Variants in CPSF3 observed in about 807,000 individuals in gnomAD.
CPSF3 encodes the protein cleavage and polyadenylation specificity factor subunit 3.
Under a neutral mutation model 84.1 loss-of-function variants are expected in CPSF3, and 57 were observed. That is an observed-to-expected ratio of 0.68 (90% CI 0.55 to 0.85). The LOEUF is 0.85. CPSF3 is among the 40% of genes least tolerant of loss of function. CPSF3 has a pLI of 0.00. For missense variants in CPSF3, 522 were observed against 838.8 expected, an observed-to-expected ratio of 0.62 and a Z score of 4.66; for synonymous variants, 275 against 278.1, an observed-to-expected ratio of 0.99 and a Z score of 0.11.
chr2:9,444,221 C>T (rs1187438505), intron 10 of CPSF3, among the ~76,000 whole-genome samples: 2 of 148,916 alleles, frequency 1.3e-5, no homozygotes, highest in East Asian at 3.9e-4. Flanking sequence ...CTCCGCCTCC[C>T]GGGTTCAAGC....
chr2:9,424,112 T>C (rs1451691376), intron 1 of CPSF3: 2 of 1,172,336 alleles, frequency 1.7e-6, no homozygotes, highest in Non-Finnish European at 1.1e-6. Flanking sequence ...TCGTACACGC[T>C]AAGAAGCGTT....
In CPSF3 at chr2:9,432,608, G is replaced by T. The variant is rs768671041; in HGVS notation, c.439G>T (p.Ala147Ser). 2 of 1,592,214 alleles carry T rather than the reference G, an allele frequency of 1.3e-6. No homozygotes were observed. The change falls in exon 5 of 18, where the codon GCG (alanine) becomes TCG (serine). Residue 147 changes from alanine (A) to serine (S), a missense_variant. Physicochemically the swap from Ala to Ser is moderately conservative, Grantham distance 99 (BLOSUM62 1). Around this residue, in one of 2 missense-constraint regions of CPSF3, gnomAD observed 329 missense variants for 607.2 expected, o/e 0.54. Coordinates refer to ENST00000238112, the MANE Select transcript of CPSF3 (RefSeq NM_016207.4). Reference sequence around the variant, plus strand: ...CAACTTTCATGAAGTTAAGGAAGTTGCGGGAATCAAGTTTTGGTGTTACCA... The same window carrying T: ...CAACTTTCATGAAGTTAAGGAAGTTTCGGGAATCAAGTTTTGGTGTTACCA... ...TINFHEVKEV[A>S]GIKFWCYHAG...
chr2:9,461,107 A>T (rs1681712808), intron 15 of CPSF3, among the ~76,000 whole-genome samples: 1 of 152,242 alleles, frequency 6.6e-6, no homozygotes, highest in Admixed American at 6.5e-5. Flanking sequence ...CATTTGAGTC[A>T]CTGGTAAGCA....
intron 7 of CPSF3, among the ~76,000 whole-genome samples, chr2:9,438,084 A>T (rs6731630): frequency 0.081 from 12,366 of 152,292 alleles, 1,667 homozygotes; most frequent in African/African-American, 0.28. Context: ...ATCTTAGCTC[A>T]TCCTCTCTGT....
At chr2:9,442,422 G>C (rs1224975839) in intron 9 of CPSF3, among the ~76,000 whole-genome samples, 1 of 152,078 alleles carries the variant, frequency 6.6e-6, no homozygotes, top group African/African-American at 2.4e-5. Flanking sequence ...GCAGAACTTG[G>C]GAGGCAGTTT....
chr2:9,456,851 AG>A, intron 13 of CPSF3, 81 bp from the exon 14 acceptor site: 1 of 769,376 alleles, frequency 1.3e-6, no homozygotes, highest in African/African-American at 1.8e-5. Flanking sequence ...GCTTTATTTT[AG>A]CTGTCTCTAT....
In CPSF3 at chr2:9,432,682, C is replaced by T. The variant is rs773798533; in HGVS notation, c.513C>T (p.Gly171=). The part of the protein sequence containing the change: ...GAAMFMIEIA[G]VKLLYTGDFS... ...CCATGTTCATGATTGAGATCGCAGG[C>T]GTGAAGGTACCCTCTGGCTGTGGCG... The change falls in exon 5 of 18, where the codon GGC becomes GGT. Residue 171 remains glycine, a synonymous_variant. Transcript: ENST00000238112. 1.3e-5 allele frequency: 19 copies of T among 1,514,808 alleles called. No individual in the cohort carries two copies. The highest frequency in any genetic ancestry group is 2.7e-5 in the African/African-American group (2 of 73,798). The allele number at this position is 1,514,808 out of a possible 1,614,324, so 93.8% of individuals were successfully genotyped here. A position where few individuals can be genotyped will look rare whatever the true frequency, so the allele number is the denominator to read the frequency against.
chr2:9,432,817 A>C, intron 5 of CPSF3, 129 bp downstream of exon 5: 1 of 640,214 alleles, frequency 1.6e-6, no homozygotes, highest in Non-Finnish European at 2.3e-6. Flanking sequence ...TAAGATAAAA[A>C]TACAGTTAAC....
intron 7 of CPSF3, among the ~76,000 whole-genome samples, chr2:9,437,124 C>G (rs9784085): frequency 6.7e-6 from 1 of 148,444 alleles, no homozygotes; most frequent in Non-Finnish European, 1.5e-5. Context: ...TTACTCTGGG[C>G]TGGACGTGGT....
intron 11 of CPSF3, among the ~76,000 whole-genome samples, chr2:9,449,022 G>C (rs1681224854): frequency 6.6e-6 from 1 of 152,096 alleles, no homozygotes; most frequent in East Asian, 1.9e-4. Context: ...CTGAAGATAG[G>C]CTCATATCTC....
At chr2:9,456,080 T>A (rs1681516372) in intron 13 of CPSF3, among the ~76,000 whole-genome samples, 1 of 152,238 alleles carries the variant, frequency 6.6e-6, no homozygotes, top group Non-Finnish European at 1.5e-5. Context: ...TGAAATCTAT[T>A]TTCCTTGACC....
At chr2:9,435,700 AG>A (rs1430744690) in intron 6 of CPSF3, among the ~76,000 whole-genome samples, 1 of 151,454 alleles carries the variant, frequency 6.6e-6, no homozygotes, top group African/African-American at 2.4e-5. Context: ...TACAGGCATG[AG>A]CCACCATGCC....
chr2:9,461,643 C>G (rs1368464721), intron 15 of CPSF3, among the ~76,000 whole-genome samples: 1 of 151,060 alleles, frequency 6.6e-6, no homozygotes, highest in Non-Finnish European at 1.5e-5. Flanking sequence ...GCATTTCAGC[C>G]TGGGTGACAG....
At chr2:9,456,573 G>A (rs941456098) in intron 13 of CPSF3, among the ~76,000 whole-genome samples, 2 of 152,216 alleles carry the variant, frequency 1.3e-5, no homozygotes, top group Admixed American at 1.3e-4. Context: ...TGACGCTTAC[G>A]AAGACAGAAG....
intron 9 of CPSF3, 118 bp from the exon 10 acceptor site, chr2:9,443,396 AT>A: frequency 1.1e-6 from 1 of 951,980 alleles, no homozygotes; most frequent in Non-Finnish European, 1.6e-6. Context: ...TATTAGAATG[AT>A]TTTGTGCGTA....
chr2:9,439,910 T>C (rs988094269), intron 7 of CPSF3, among the ~76,000 whole-genome samples: 1 of 151,970 alleles, frequency 6.6e-6, no homozygotes, highest in Admixed American at 6.6e-5. Context: ...ACCTGAGAGG[T>C]TGAGGCTGCC....
At chr2:9,435,682 G>T (rs554201421) in intron 6 of CPSF3, among the ~76,000 whole-genome samples, 129 of 152,084 alleles carry the variant, frequency 8.5e-4, no homozygotes, top group South Asian at 2.9e-3. Context: ...CTTCCAAAAT[G>T]CTGGGATTAC....
chr2:9,470,906 A>G (rs555914867), intron 16 of CPSF3, among the ~76,000 whole-genome samples: 2 of 152,348 alleles, frequency 1.3e-5, no homozygotes, highest in South Asian at 4.1e-4. Flanking sequence ...AAGGCAAATA[A>G]GAAGCTTGTC....
intron 17 of CPSF3, 82 bp downstream of exon 17, chr2:9,471,521 C>T (rs1030149667): frequency 3.9e-5 from 33 of 844,476 alleles, no homozygotes; most frequent in Non-Finnish European, 6.0e-5. Flanking sequence ...TCACACTCAA[C>T]AGTCTACTGT....
Sources: gnomAD v4.1 joint callset for allele counts (sites outside exome capture counted in the v4.1 genomes callset) on GRCh38, gnomAD v4.1.1 for gene constraint, gnomAD v4.1.1 regional missense constraint, MANE v1.5 for transcripts, NCBI Gene and HGNC (gene_info 2026-07-23, HGNC 2026-07-21) for gene names.